The following ZNF521 variants were observed in gnomAD, a reference collection of about 807,000 sequenced individuals.
ZNF521 encodes the protein zinc finger protein 521, also known as LYST-interacting protein 3.
ZNF521 carries 14 observed loss-of-function variants against 105.5 expected under a neutral mutation model. The ratio of observed to expected loss-of-function variants is 0.13; its 90% CI spans 0.09 to 0.21. The LOEUF (loss-of-function observed/expected upper bound fraction) is 0.21, where lower values mean the gene tolerates loss of function less well. Among genes scored for constraint, ZNF521 ranks in the 10% least tolerant of loss-of-function variants. The pLI is 1.00. For missense variants in ZNF521, 1,233 were observed against 1,629.7 expected, an observed-to-expected ratio of 0.76 and a Z score of 4.19; for synonymous variants, 635 against 606.0, an observed-to-expected ratio of 1.05 and a Z score of -0.70.
intron 2 of ZNF521, among the ~76,000 whole-genome samples, chr18:25,350,032 G>GCCCCT (rs1914656285): frequency 6.6e-6 from 1 of 151,840 alleles, no homozygotes; most frequent in Non-Finnish European, 1.5e-5. Context: ...GGTGGAGGAG[G>GCCCCT]CGGCCGAGGA....
At chr18:25,149,458 A>G (rs75826224) in intron 5 of ZNF521, among the ~76,000 whole-genome samples, 1,822 of 152,288 alleles carry the variant, frequency 0.012, 34 homozygotes, top group African/African-American at 0.04. Context: ...ACTATCATAG[A>G]TATCTGTGCA....
At chr18:25,332,631 A>C (rs761759754) in intron 2 of ZNF521, among the ~76,000 whole-genome samples, 1 of 152,172 alleles carries the variant, frequency 6.6e-6, no homozygotes, top group Non-Finnish European at 1.5e-5. Context: ...ATAATATAAG[A>C]GCATCATTTG....
At chr18:25,129,231 C>T (rs971036078) in intron 5 of ZNF521, among the ~76,000 whole-genome samples, 4 of 143,392 alleles carry the variant, frequency 2.8e-5, no homozygotes, top group African/African-American at 1.0e-4. Flanking sequence ...GATGCTAGAA[C>T]TAGACTTTCA....
chr18:25,150,333 A>C (rs145824290), intron 5 of ZNF521, among the ~76,000 whole-genome samples: 2 of 152,306 alleles, frequency 1.3e-5, no homozygotes, highest in East Asian at 3.9e-4. Flanking sequence ...AGTACAGTGT[A>C]TACTGCTTCG....
At chr18:25,323,091 A>T (rs1450162285) in intron 2 of ZNF521, among the ~76,000 whole-genome samples, 1 of 151,936 alleles carries the variant, frequency 6.6e-6, no homozygotes, top group Non-Finnish European at 1.5e-5. Flanking sequence ...GGAGGAAGAA[A>T]GGAACTGTGT....
chr18:25,227,807 G>GA lies in ZNF521; in HGVS notation c.221-111dup. The GA allele has an allele frequency of 1.1e-6, 1 of 882,202 alleles. No homozygotes were observed. The highest frequency in any genetic ancestry group is 1.7e-6 in the Non-Finnish European group (1 of 593,664). 54.6% of individuals were successfully genotyped at this position (882,202 alleles called of 1,614,324 possible). ...AGTTGGGCCCTCTTGAATCTTTCAAGAAAAAACAAAATGAAAAGAGAGAAT... is the reference window on the plus strand; with the variant it reads ...AGTTGGGCCCTCTTGAATCTTTCAAGAAAAAAACAAAATGAAAAGAGAGAAT... On this transcript the variant is annotated intron_variant, in intron 3 of 7. Transcript: ENST00000361524. The surrounding 1 kb of genome is among the most constrained non-coding windows in gnomAD (Gnocchi z 5.7).
At chr18:25,233,625 T>C (rs1906679855) in intron 3 of ZNF521, among the ~76,000 whole-genome samples, 1 of 151,038 alleles carries the variant, frequency 6.6e-6, no homozygotes, top group Non-Finnish European at 1.5e-5. Flanking sequence ...TTAACAGTCT[T>C]AAGATGAATT....
intron 3 of ZNF521, among the ~76,000 whole-genome samples, chr18:25,267,135 C>T (rs553798112): frequency 1.3e-5 from 2 of 152,128 alleles, no homozygotes; most frequent in African/African-American, 2.4e-5. Context: ...GCAGTTTTAC[C>T]CTCACAGTGT....
chr18:25,308,754 T>C (rs533099955), intron 3 of ZNF521, among the ~76,000 whole-genome samples: 1 of 150,252 alleles, frequency 6.7e-6, no homozygotes, highest in African/African-American at 2.4e-5. Flanking sequence ...AGGATCTTAG[T>C]AGATGTTTAT....
chr18:25,131,973 G>C (rs1296519908), intron 5 of ZNF521, among the ~76,000 whole-genome samples: 1 of 152,060 alleles, frequency 6.6e-6, no homozygotes, highest in Non-Finnish European at 1.5e-5. Context: ...GCAGCCAAGA[G>C]CATGGCAGAA....
In ZNF521 at chr18:25,308,556, C is replaced by A. The variant is rs139961573; in HGVS notation, c.220+13452G>T. Reference sequence around the variant, plus strand: ...CTTCTGTCGACCTGAAGCACCTCTTCCCCTTTCTCGGCCTGGCTAACTCTT... The same window carrying A: ...CTTCTGTCGACCTGAAGCACCTCTTACCCTTTCTCGGCCTGGCTAACTCTT... On this transcript the variant is annotated intron_variant, in intron 3 of 7. Coordinates refer to ENST00000361524, the MANE Select transcript of ZNF521 (RefSeq NM_015461.3). 3.4e-4 allele frequency among the ~76,000 whole-genome samples: 51 copies of A among 151,994 alleles called. 1 individual carries two copies. In the East Asian group the frequency reaches 9.7e-3, roughly 29 times the overall value.
chr18:25,070,927 T>G (rs570092346), intron 7 of ZNF521, among the ~76,000 whole-genome samples: 21 of 152,188 alleles, frequency 1.4e-4, no homozygotes, highest in South Asian at 8.3e-4. Context: ...GAAGAAGAAA[T>G]GGTGGTCTAT....
At chr18:25,152,363 C>T (rs1444358631) in intron 5 of ZNF521, among the ~76,000 whole-genome samples, 16 of 151,734 alleles carry the variant, frequency 1.1e-4, no homozygotes, top group Admixed American at 1.1e-3. Flanking sequence ...CCTGTGGTCC[C>T]AGCTACTCGG....
At chr18:25,119,920 C>T (rs1016730328) in intron 5 of ZNF521, among the ~76,000 whole-genome samples, 1 of 152,026 alleles carries the variant, frequency 6.6e-6, no homozygotes, top group Non-Finnish European at 1.5e-5. Context: ...AATTGACAAA[C>T]TTAGCTAAAC....
chr18:25,349,686 C>T (rs1187731845), intron 2 of ZNF521, among the ~76,000 whole-genome samples: 1 of 151,658 alleles, frequency 6.6e-6, no homozygotes, highest in Non-Finnish European at 1.5e-5. Context: ...GGAACCGGGG[C>T]CACGGGGCGC....
chr18:25,089,847 A>C (rs967796915), intron 6 of ZNF521, among the ~76,000 whole-genome samples: 1 of 152,176 alleles, frequency 6.6e-6, no homozygotes, highest in African/African-American at 2.4e-5. Context: ...TCTTTAAAAA[A>C]TAAAGCCGAA....
At chr18:25,094,004 T>C (rs1354456383) in intron 5 of ZNF521, among the ~76,000 whole-genome samples, 1 of 152,188 alleles carries the variant, frequency 6.6e-6, no homozygotes, top group Non-Finnish European at 1.5e-5. Flanking sequence ...CATACCTTTA[T>C]TTTGAATAGT....
At chr18:25,285,925 AG>A (rs1332713864) in intron 3 of ZNF521, among the ~76,000 whole-genome samples, 1 of 152,250 alleles carries the variant, frequency 6.6e-6, no homozygotes, top group Non-Finnish European at 1.5e-5. Context: ...TTCTAATGAC[AG>A]CTGACTGTTG....
At chr18:25,109,062 A>G (rs2034131676) in intron 5 of ZNF521, among the ~76,000 whole-genome samples, 1 of 152,172 alleles carries the variant, frequency 6.6e-6, no homozygotes, top group Non-Finnish European at 1.5e-5. Flanking sequence ...CCATCACCCA[A>G]ATAGTGAACA....
Sources: allele counts gnomAD v4.1 joint callset (sites outside exome capture counted in the v4.1 genomes callset), GRCh38; gene constraint gnomAD v4.1.1; non-coding constraint Gnocchi (gnomAD v3.1); transcripts MANE v1.5; gene names NCBI Gene and HGNC (gene_info 2026-07-23, HGNC 2026-07-21).